Variants in NPAS3 observed in about 807,000 individuals in gnomAD.
NPAS3 encodes neuronal PAS domain-containing protein 3.
Under a neutral mutation model 73.1 loss-of-function variants are expected in NPAS3, and 14 were observed. The ratio of observed to expected loss-of-function variants is 0.19; its 90% CI spans 0.13 to 0.30. The LOEUF (loss-of-function observed/expected upper bound fraction) is 0.30, where lower values mean the gene tolerates loss of function less well. Among genes scored for constraint, NPAS3 ranks in the 10% least tolerant of loss-of-function variants. The pLI, the probability that NPAS3 is intolerant of heterozygous loss-of-function variation, is 1.00. For missense variants in NPAS3, 1,096 were observed against 1,250.0 expected (o/e 0.88, Z 1.86); for synonymous variants, 620 against 541.5 (o/e 1.14, Z -2.01).
intron 2 of NPAS3, among the ~76,000 whole-genome samples, chr14:33,198,218 A>G (rs889432735): frequency 2.0e-5 from 3 of 152,220 alleles, no homozygotes; most frequent in Non-Finnish European, 2.9e-5. Flanking sequence ...GCAAAGAGCA[A>G]AAGAACAAAG....
intron 3 of NPAS3, among the ~76,000 whole-genome samples, chr14:33,241,896 G>C (rs1166537172): frequency 1.3e-5 from 2 of 151,986 alleles, no homozygotes; most frequent in African/African-American, 4.8e-5. Context: ...ACTTTGCATG[G>C]TGAATAGTTT....
chr14:33,672,546 T>A (rs2059640088), intron 5 of NPAS3, among the ~76,000 whole-genome samples: 1 of 151,674 alleles, frequency 6.6e-6, no homozygotes, highest in Non-Finnish European at 1.5e-5. Flanking sequence ...TGGAGCTCTA[T>A]TTATTTTTCC....
At chr14:33,683,533 T>G (rs528085907) in intron 6 of NPAS3, among the ~76,000 whole-genome samples, 1 of 152,020 alleles carries the variant, frequency 6.6e-6, no homozygotes, top group East Asian at 2.0e-4. Flanking sequence ...TACAAGTTAT[T>G]TGCTTTTAAT....
At chr14:33,578,555 T>C (rs1397980416) in intron 5 of NPAS3, among the ~76,000 whole-genome samples, 4 of 152,188 alleles carry the variant, frequency 2.6e-5, no homozygotes, top group Non-Finnish European at 5.9e-5. Flanking sequence ...CTATCCTACA[T>C]TTTTAAAAAG....
intron 5 of NPAS3, among the ~76,000 whole-genome samples, chr14:33,663,267 GTT>G (rs2059361347): frequency 6.6e-6 from 1 of 152,124 alleles, no homozygotes; most frequent in Non-Finnish European, 1.5e-5. Context: ...TTCACTGAGC[GTT>G]TTTAGCATGA....
intron 7 of NPAS3, among the ~76,000 whole-genome samples, chr14:33,746,199 ATTTT>A (rs1555326917): frequency 6.7e-6 from 1 of 148,934 alleles, no homozygotes; most frequent in African/African-American, 2.5e-5. Flanking sequence ...TTATTTATTT[ATTTT>A]TTTGAGATGG....
chr14:33,777,878 A>G (rs1248567999), intron 8 of NPAS3, among the ~76,000 whole-genome samples: 1 of 152,220 alleles, frequency 6.6e-6, no homozygotes, highest in African/African-American at 2.4e-5. Flanking sequence ...AGTACCAGTT[A>G]AAAGGGCCAG....
chr14:33,403,940 TTTAA>T (rs1253496553), intron 4 of NPAS3, among the ~76,000 whole-genome samples: 1 of 152,152 alleles, frequency 6.6e-6, no homozygotes, highest in Non-Finnish European at 1.5e-5. Flanking sequence ...TGCTGACCAA[TTTAA>T]TTAAGCAGTA....
intron 5 of NPAS3, among the ~76,000 whole-genome samples, chr14:33,616,712 CAT>C (rs2057930671): frequency 6.6e-6 from 1 of 152,164 alleles, no homozygotes; most frequent in South Asian, 2.1e-4. Flanking sequence ...AGAAATGTGA[CAT>C]GATTTGCAGG....
chr14:33,264,017 C>T (rs2049075716), intron 3 of NPAS3, among the ~76,000 whole-genome samples: 3 of 152,120 alleles, frequency 2.0e-5, no homozygotes, highest in Non-Finnish European at 1.5e-5. Context: ...GACTTGGAAC[C>T]AGCCCAAATG....
At chr14:33,143,388 G>A (rs961765785) in intron 2 of NPAS3, among the ~76,000 whole-genome samples, 4 of 152,138 alleles carry the variant, frequency 2.6e-5, no homozygotes, top group African/African-American at 9.6e-5. Context: ...CTACTTGGGA[G>A]GCTGAGGCAG....
intron 4 of NPAS3, among the ~76,000 whole-genome samples, chr14:33,411,140 T>G (rs1325057553): frequency 6.6e-6 from 1 of 152,210 alleles, no homozygotes; most frequent in Non-Finnish European, 1.5e-5. Flanking sequence ...AAACAGGGAC[T>G]GTGACCTCCA....
intron 4 of NPAS3, among the ~76,000 whole-genome samples, chr14:33,472,113 A>G (rs186290875): frequency 3.9e-5 from 6 of 152,298 alleles, no homozygotes; most frequent in African/African-American, 1.4e-4. Flanking sequence ...TAAAAGGGGA[A>G]TAGGAAGTGC....
chr14:33,198,198 AAG>A (rs2046454585), intron 2 of NPAS3, among the ~76,000 whole-genome samples: 1 of 152,218 alleles, frequency 6.6e-6, no homozygotes, highest in African/African-American at 2.4e-5. Flanking sequence ...GAGCAACAGC[AAG>A]AGTTATTGCA....
intron 4 of NPAS3, among the ~76,000 whole-genome samples, chr14:33,462,224 C>T (rs762459485): frequency 5.3e-5 from 8 of 152,150 alleles, no homozygotes; most frequent in Admixed American, 2.0e-4. Flanking sequence ...TTAGGCAAGT[C>T]GAACAACCTT....
chr14:32,975,285 A>ATTCC (rs1162245794), intron 1 of NPAS3, among the ~76,000 whole-genome samples: 3 of 52,704 alleles, frequency 5.7e-5, no homozygotes, highest in African/African-American at 1.9e-4. Context: ...CTGCCCTTCT[A>ATTCC]TTCCTTCCCT....
upstream of NPAS3, chr14:32,939,255 G>A: frequency 2.5e-6 from 1 of 405,178 alleles, no homozygotes. Flanking sequence ...GCCCGCCCAC[G>A]CCCCCCACCC....
chr14:33,302,546 A>G (rs2042595228), intron 3 of NPAS3, among the ~76,000 whole-genome samples: 1 of 152,218 alleles, frequency 6.6e-6, no homozygotes, highest in Non-Finnish European at 1.5e-5. Context: ...GAAATGGAGA[A>G]TTATTTTTAG....
chr14:33,715,354 T>C (rs1337908370), intron 6 of NPAS3, among the ~76,000 whole-genome samples: 1 of 152,212 alleles, frequency 6.6e-6, no homozygotes, highest in African/African-American at 2.4e-5. Flanking sequence ...CTTGATGGCA[T>C]AGTGTGAATC....
Sources: allele counts gnomAD v4.1 joint callset (sites outside exome capture counted in the v4.1 genomes callset), GRCh38; gene constraint gnomAD v4.1.1; transcripts MANE v1.5; gene names NCBI Gene and HGNC (gene_info 2026-07-23, HGNC 2026-07-21).